The following GPS1 variants were observed in gnomAD, a reference collection of about 807,000 sequenced individuals.
GPS1 encodes the protein COP9 signalosome complex subunit 1.
Under a neutral mutation model 60.0 loss-of-function variants are expected in GPS1, and 11 were observed. That is an observed-to-expected ratio of 0.18 (90% CI 0.12 to 0.30). The LOEUF is 0.30. Ranked by LOEUF, GPS1 falls within the 10% of genes least tolerant of loss-of-function variation. GPS1 has a pLI of 1.00. For synonymous variants in GPS1, 343 were observed against 269.8 expected, an observed-to-expected ratio of 1.27 and a Z score of -2.66; for missense variants, 543 against 669.2, an observed-to-expected ratio of 0.81 and a Z score of 2.08.
Position 82,056,857 on chromosome 17 carries a change from C to T in GPS1, c.1272C>T (p.Asp424=), listed in dbSNP as rs148378729. 4.5e-4 allele frequency: 728 copies of T among 1,612,694 alleles called. 1 individual carries two copies. The highest frequency in any genetic ancestry group is 7.3e-4 in the Admixed American group (44 of 59,996). ...DSHSKILYAR[D]VDQRSTTFEK... ...CTGCACAGATCCTATACGCCCGGGACGTGGATCAGCGCAGCACCACCTTTG... is the reference window on the plus strand; with the variant it reads ...CTGCACAGATCCTATACGCCCGGGATGTGGATCAGCGCAGCACCACCTTTG... Residue 424 remains aspartate, a synonymous_variant, in exon 12 of 13, where the codon GAC becomes GAT. Coordinates refer to ENST00000578552, the MANE Select transcript of GPS1 (RefSeq NM_001321092.3).
At chr17:82,053,808 G>C (rs1299054608) in intron 2 of GPS1, 60 bp from the exon 3 acceptor site, 1 of 1,525,066 alleles carries the variant, frequency 6.6e-7, no homozygotes, top group African/African-American at 1.4e-5. Flanking sequence ...TGACCCTCAG[G>C]GCCTGGGGCC....
In GPS1 at chr17:82,053,968, A is replaced by G. The variant is rs1288402101; in HGVS notation, c.227A>G (p.Lys76Arg). ...CCCACGCTGCGGGTGGAGGCCCTGA[A>G]GATGGCCCTCTCCTTCGTGCAGAGA... ...HCPTLRVEAL[K>R]MALSFVQRTF... The change falls in exon 3 of 13, where the codon AAG becomes AGG. Residue 76 changes from lysine (K) to arginine (R), a missense_variant. By Grantham distance (26) the Lys-to-Arg change is conservative (BLOSUM62 2). This residue lies in a region of GPS1 where 181 missense variants were observed against 188.8 expected (regional missense o/e 0.96). Transcript: ENST00000578552. 1 of 1,612,978 alleles carries G rather than the reference A, an allele frequency of 6.2e-7. No individual in the cohort carries two copies. Among genetic ancestry groups the G allele is most frequent in the Non-Finnish European group, 8.5e-7 (1 of 1,179,928 alleles).
chr17:82,056,728 G>A lies in GPS1; in HGVS notation c.1216G>A (p.Glu406Lys). ...GGACGAGCTGACGCAGCTAATCCTG[G>A]AGGGGCTGATCAGTGCCCGTGTGGA... ...LEDELTQLIL[E>K]GLISARVDSH... The change falls in exon 11 of 13, where the codon GAG (glutamate) becomes AAG (lysine). Residue 406 changes from glutamate to lysine, a missense_variant. By Grantham distance (56) the Glu-to-Lys change is moderately conservative. Coordinates refer to ENST00000578552, the MANE Select transcript of GPS1 (RefSeq NM_001321092.3). The A allele has an allele frequency of 6.3e-7, 1 of 1,588,332 alleles. No homozygotes were observed. Among genetic ancestry groups the A allele is most frequent in the East Asian group, 2.2e-5 (1 of 44,566 alleles).
upstream of GPS1, chr17:82,051,483 G>A: frequency 7.3e-7 from 1 of 1,364,720 alleles, no homozygotes; most frequent in Non-Finnish European, 9.5e-7. This position sits in a 1 kb window ranked among gnomAD's most constrained non-coding sequence, Gnocchi z 4.1. Flanking sequence ...CGCCGTCGGG[G>A]TCGGGGTCCG....
chr17:82,051,344 T>TG (rs1416236193), upstream of GPS1: 24 of 1,465,962 alleles, frequency 1.6e-5, no homozygotes, highest in Non-Finnish European at 2.1e-5. This position sits in a 1 kb window ranked among gnomAD's most constrained non-coding sequence, Gnocchi z 4.1. Context: ...GATAAACGTC[T>TG]GGGGGAGAAA....
chr17:82,051,355 CA>C (rs1372577574), upstream of GPS1: 1 of 1,466,758 alleles, frequency 6.8e-7, no homozygotes, highest in Non-Finnish European at 8.9e-7. The surrounding 1 kb of genome is among the most constrained non-coding windows in gnomAD (Gnocchi z 4.1). Context: ...GGGGGAGAAA[CA>C]ATCTATGAGG....
rs1341635089 is a variant in GPS1 at position 82,055,730 on chromosome 17, C to T, written c.749-10C>T. On this transcript the variant is annotated splice_polypyrimidine_tract_variant and intron_variant, in intron 6 of 12. Transcript: ENST00000578552. ...TCTCCCCCCTCCCCGCCCCCGGCTC[C>T]TTCCACTAGGCTTGGCAGAGCTGGC... 6.5e-7 allele frequency: 1 copy of T among 1,548,628 alleles called. No individual in the cohort carries two copies. The highest frequency in any genetic ancestry group is 8.7e-7 in the Non-Finnish European group (1 of 1,145,870).
Position 82,057,387 on chromosome 17 carries a change from C to T in GPS1, c.*260C>T, listed in dbSNP as rs2033063701. 1.5e-6 allele frequency: 1 copy of T among 669,332 alleles called. No individual in the cohort carries two copies. The highest frequency in any genetic ancestry group is 2.8e-6 in the Non-Finnish European group (1 of 363,516). 41.5% of individuals were successfully genotyped at this position (669,332 alleles called of 1,614,324 possible). On this transcript the variant is annotated 3_prime_UTR_variant, in exon 13 of 13. Transcript: ENST00000578552. ...ACTGTGCGGCACCCAGGCCCAGTGG[C>T]ACCATTTCCCAGACCCCTCCTGTTC...
chr17:82,053,225 C>T (rs1422127423), intron 1 of GPS1, 49 bp from the exon 2 acceptor site: 2 of 1,459,114 alleles, frequency 1.4e-6, no homozygotes, highest in Non-Finnish European at 1.8e-6. Flanking sequence ...TCTCGCCCTC[C>T]TGGGGCAGTC....
chr17:82,056,206 G>T, intron 8 of GPS1, 80 bp from the exon 9 acceptor site: 1 of 1,364,720 alleles, frequency 7.3e-7, no homozygotes. Flanking sequence ...TCAGGTGTTT[G>T]TCTGGGGACT....
At chr17:82,055,917 C>A (rs2032578034) in intron 7 of GPS1, 84 bp from the exon 8 acceptor site, 1 of 1,431,054 alleles carries the variant, frequency 7.0e-7, no homozygotes, top group Non-Finnish European at 9.7e-7. Context: ...CAAATGGGGT[C>A]TTAGGCATTC....
chr17:82,053,891 C>T lies in GPS1; in HGVS notation c.150C>T (p.Ser50=), dbSNP rs149149612. Residue 50 remains serine (S), a synonymous_variant, in exon 3 of 13, where the codon AGC becomes AGT. Coordinates refer to ENST00000578552, the MANE Select transcript of GPS1 (RefSeq NM_001321092.3). ...PSLDLEQYAA[S]YSGLMRIERL... The stretch of plus-strand genomic sequence containing the variant: ...AGGATCTGGAACAGTACGCGGCCAG[C>T]TACAGCGGCCTGATGCGCATCGAAC... 4.0e-5 allele frequency: 65 copies of T among 1,611,720 alleles called. No homozygotes were observed. In the African/African-American group the frequency reaches 7.1e-4, roughly 18 times the overall value.
upstream of GPS1, chr17:82,051,850 G>GC (rs1158480864): frequency 2.7e-6 from 3 of 1,126,236 alleles, no homozygotes; most frequent in Admixed American, 4.9e-5. This position sits in a 1 kb window ranked among gnomAD's most constrained non-coding sequence, Gnocchi z 4.1. Flanking sequence ...GAACGCAGCG[G>GC]CCCCGCCCCG....
rs778884077 is a variant in GPS1 at position 82,056,493 on chromosome 17, T to C, written c.1059T>C (p.Tyr353=). 1 of 1,613,144 alleles carries C rather than the reference T, an allele frequency of 6.2e-7. No homozygotes were observed. Among genetic ancestry groups the C allele is most frequent in the South Asian group, 1.1e-5 (1 of 91,076 alleles). ...AGGACAACCTGCTCCTGGACATGTATCTGGCCCCCCATGTCAGGACCCTGT... is the reference window on the plus strand; with the variant it reads ...AGGACAACCTGCTCCTGGACATGTACCTGGCCCCCCATGTCAGGACCCTGT... ...EMKDNLLLDM[Y]LAPHVRTLYT... Residue 353 remains tyrosine, a synonymous_variant, in exon 10 of 13, where the codon TAT becomes TAC. Transcript: ENST00000578552.
Position 82,051,985 on chromosome 17 carries a change from C to G in GPS1, c.33+21C>G. ...TGCAGGTAACGAGCCGAGGCCGCCC[C>G]GGGCCTCCGCGCCCCCGCGCCCCCC... On this transcript the variant is annotated intron_variant, in intron 1 of 12. Transcript: ENST00000578552. This position sits in a 1 kb window ranked among gnomAD's most constrained non-coding sequence, Gnocchi z 4.1. The G allele has an allele frequency of 1.7e-6, 2 of 1,153,824 alleles. No individual in the cohort carries two copies. Among genetic ancestry groups the G allele is most frequent in the African/African-American group, 3.3e-5 (2 of 61,220 alleles). 71.5% of individuals were successfully genotyped at this position (1,153,824 alleles called of 1,614,324 possible).
In GPS1 at chr17:82,054,755, G is replaced by A. The variant is rs1285951949; in HGVS notation, c.554G>A (p.Arg185Gln). Residue 185 changes from arginine (R) to glutamine (Q), a missense_variant, in exon 4 of 13, where the codon CGG becomes CAG. Arg to Gln is a conservative substitution (Grantham distance 43). Around this residue, in one of 3 missense-constraint regions of GPS1, gnomAD observed 71 missense variants for 126.7 expected, o/e 0.56. Transcript: ENST00000578552. Reference sequence around the variant, plus strand: ...GCCCTCAAGTGCTATTCCCGGGCCCGGGACTACTGCACCAGCGCCAAACAC... The same window carrying A: ...GCCCTCAAGTGCTATTCCCGGGCCCAGGACTACTGCACCAGCGCCAAACAC... ...SNALKCYSRA[R>Q]DYCTSAKHVI... The A allele has an allele frequency of 6.2e-7, 1 of 1,611,314 alleles. No individual in the cohort carries two copies. Among genetic ancestry groups the A allele is most frequent in the Non-Finnish European group, 8.5e-7 (1 of 1,179,360 alleles).
intron 1 of GPS1, chr17:82,052,514 CGCCCCTGCTGTGGCTGG>C: frequency 1.3e-6 from 2 of 1,577,434 alleles, no homozygotes; most frequent in Admixed American, 1.7e-5. Context: ...GGGCCCCGGC[CGCCCCTGCTGTGGCTGG>C]GCCCCTGCTG....
intron 12 of GPS1, 21 bp from the exon 13 acceptor site, chr17:82,057,032 T>C (rs371024385): frequency 6.2e-7 from 1 of 1,608,498 alleles, no homozygotes; most frequent in African/African-American, 1.3e-5. Context: ...GGCTGTGAGC[T>C]GCTCCTTGTC....
At position 82,055,990 on chromosome 17, in the gene GPS1, CT is replaced by C; in HGVS notation, c.835-10del. ...CTTCACTGCCTGTGACGCCAGGTCT[CT>C]GCTCCTCAGCTGCTGTCCCCCAGCA... On this transcript the variant is annotated splice_polypyrimidine_tract_variant and intron_variant, in intron 7 of 12. Transcript: ENST00000578552. 1 of 1,600,894 alleles carries C rather than the reference CT, an allele frequency of 6.2e-7. No individual in the cohort carries two copies.
Sources: allele counts gnomAD v4.1 joint callset, GRCh38; gene constraint gnomAD v4.1.1; regional missense constraint gnomAD v4.1.1; non-coding constraint Gnocchi (gnomAD v3.1); transcripts MANE v1.5; gene names NCBI Gene and HGNC (gene_info 2026-07-23, HGNC 2026-07-21).